DZANK1: variants seen among roughly 807,000 people sequenced by gnomAD.
DZANK1 encodes double zinc ribbon and ankyrin repeat-containing protein 1.
DZANK1 carries 91 observed loss-of-function variants against 94.5 expected under a neutral mutation model. The observed-to-expected ratio is 0.96, with a 90% CI of 0.81 to 1.15. The LOEUF (loss-of-function observed/expected upper bound fraction) is 1.15. Ranked by LOEUF, DZANK1 falls within the 50% of genes most tolerant of loss-of-function variation. The pLI is 0.00. For synonymous variants in DZANK1, 312 were observed against 325.3 expected, an observed-to-expected ratio of 0.96 and a Z score of 0.44; for missense variants, 903 against 916.4, an observed-to-expected ratio of 0.99 and a Z score of 0.19.
chr20:18,439,786 T>G (rs1301802091), intron 8 of DZANK1, among the ~76,000 whole-genome samples: 1 of 152,166 alleles, frequency 6.6e-6, no homozygotes, highest in Non-Finnish European at 1.5e-5. Flanking sequence ...AGGTAAGAGT[T>G]AGGGATGCAG....
chr20:18,383,984 TTCCTCTCAACC>T (rs1402118740), exon 21 of DZANK1: 1 of 158,850 alleles, frequency 6.3e-6, no homozygotes, highest in Non-Finnish European at 1.4e-5. Context: ...ATCTCCTGAG[TTCCTCTCAACC>T]TCAATTTCTA....
intron 8 of DZANK1, among the ~76,000 whole-genome samples, chr20:18,440,580 T>G (rs1308691299): frequency 6.6e-6 from 1 of 152,090 alleles, no homozygotes; most frequent in Non-Finnish European, 1.5e-5. Context: ...CTGGGTTGGG[T>G]CCCTAGAATG....
At chr20:18,389,032 T>C (rs919802204) in intron 19 of DZANK1, among the ~76,000 whole-genome samples, 3 of 152,166 alleles carry the variant, frequency 2.0e-5, no homozygotes, top group Non-Finnish European at 4.4e-5. Flanking sequence ...CGGCAAGATA[T>C]GAGAAGTTAA....
chr20:18,451,369 A>T (rs1368157666), intron 6 of DZANK1, among the ~76,000 whole-genome samples: 1 of 152,080 alleles, frequency 6.6e-6, no homozygotes, highest in Non-Finnish European at 1.5e-5. Flanking sequence ...TTCTCCTTGA[A>T]ATTCTTTCAT....
At chr20:18,444,858 T>C (rs2058823682) in intron 7 of DZANK1, among the ~76,000 whole-genome samples, 1 of 152,134 alleles carries the variant, frequency 6.6e-6, no homozygotes. Flanking sequence ...TGGAGTGCAG[T>C]GGCATGATCT....
intron 13 of DZANK1, among the ~76,000 whole-genome samples, chr20:18,399,563 T>C (rs1434872874): frequency 6.6e-6 from 1 of 152,182 alleles, no homozygotes; most frequent in Non-Finnish European, 1.5e-5. Context: ...CATTTGGGGC[T>C]TGCCAAACGT....
intron 13 of DZANK1, among the ~76,000 whole-genome samples, chr20:18,410,651 A>G (rs921063625): frequency 6.6e-6 from 1 of 152,180 alleles, no homozygotes; most frequent in Non-Finnish European, 1.5e-5. Context: ...TGGACAAAAA[A>G]CCCTGATTCA....
intron 6 of DZANK1, chr20:18,451,983 AC>A (rs766906191): frequency 3.9e-6 from 2 of 514,694 alleles, no homozygotes; most frequent in South Asian, 2.8e-5. Flanking sequence ...GATACCATTT[AC>A]AATTAGAATA....
intron 8 of DZANK1, among the ~76,000 whole-genome samples, chr20:18,440,379 G>A (rs2058681568): frequency 6.6e-6 from 1 of 152,110 alleles, no homozygotes; most frequent in Non-Finnish European, 1.5e-5. Flanking sequence ...ATTAAACCCA[G>A]AATCTCTATA....
chr20:18,456,289 T>A (rs1489456866), intron 3 of DZANK1, among the ~76,000 whole-genome samples: 1 of 152,190 alleles, frequency 6.6e-6, no homozygotes, highest in African/African-American at 2.4e-5. Context: ...TCACAATTCA[T>A]CTTGTTCTCT....
chr20:18,393,871 G>C, intron 16 of DZANK1, 60 bp from the exon 17 acceptor site: 2 of 1,130,100 alleles, frequency 1.8e-6, no homozygotes, highest in Non-Finnish European at 2.6e-6. Flanking sequence ...CACACAAACA[G>C]TTATTTCTTA....
intron 13 of DZANK1, among the ~76,000 whole-genome samples, chr20:18,399,395 A>G (rs2056545327): frequency 6.6e-6 from 1 of 151,892 alleles, no homozygotes; most frequent in African/African-American, 2.4e-5. Flanking sequence ...ACGCCTGGCT[A>G]GTGTTTGTAT....
chr20:18,427,216 A>C, intron 9 of DZANK1, 57 bp from the exon 10 acceptor site: 1 of 1,347,258 alleles, frequency 7.4e-7, no homozygotes, highest in Non-Finnish European at 1.0e-6. Flanking sequence ...TGTGCAAAGA[A>C]ATCATCAACC....
chr20:18,393,726 C>A, exon 17 of DZANK1: 1 of 1,608,666 alleles, frequency 6.2e-7, no homozygotes, highest in Non-Finnish European at 8.5e-7. Context: ...GCTGCTCCTT[C>A]TTTTCTTGAA....
chr20:18,444,342 A>C (rs1228987475), intron 7 of DZANK1, among the ~76,000 whole-genome samples: 2 of 152,214 alleles, frequency 1.3e-5, no homozygotes, highest in African/African-American at 4.8e-5. Flanking sequence ...TCTATGCTTA[A>C]AGCTCATGAA....
At chr20:18,450,887 G>T (rs554608555) in intron 6 of DZANK1, among the ~76,000 whole-genome samples, 11 of 152,222 alleles carry the variant, frequency 7.2e-5, no homozygotes, top group African/African-American at 2.4e-4. Flanking sequence ...GGCAACTAGT[G>T]TAAGAGCATC....
intron 17 of DZANK1, among the ~76,000 whole-genome samples, chr20:18,390,865 C>T (rs968654181): frequency 2.0e-5 from 3 of 152,032 alleles, no homozygotes; most frequent in Non-Finnish European, 4.4e-5. Context: ...AATATACTCC[C>T]CTGAGGAACG....
chr20:18,393,256 G>C (rs2148208223), intron 17 of DZANK1, among the ~76,000 whole-genome samples: 1 of 152,210 alleles, frequency 6.6e-6, no homozygotes, highest in East Asian at 1.9e-4. Flanking sequence ...AGCAACACAG[G>C]GGATCTGAAG....
chr20:18,401,087 C>T (rs933153432), intron 13 of DZANK1, among the ~76,000 whole-genome samples: 1 of 152,100 alleles, frequency 6.6e-6, no homozygotes, highest in Admixed American at 6.5e-5. Flanking sequence ...CAGGCACCCA[C>T]CACCACACCT....
Sources: gnomAD v4.1 joint callset for allele counts (sites outside exome capture counted in the v4.1 genomes callset) on GRCh38, gnomAD v4.1.1 for gene constraint, MANE v1.5 for transcripts, NCBI Gene and HGNC (gene_info 2026-07-23, HGNC 2026-07-21) for gene names.